The following DNAJC24 variants were observed in gnomAD, a reference collection of about 807,000 sequenced individuals.
DNAJC24 encodes the protein dnaJ homolog subfamily C member 24.
Under a neutral mutation model 18.0 loss-of-function variants are expected in DNAJC24, and 17 were observed. That is an observed-to-expected ratio of 0.94 (90% CI 0.65 to 1.42). The LOEUF (loss-of-function observed/expected upper bound fraction) is 1.42, where lower values mean the gene tolerates loss of function less well. Ranked by LOEUF, DNAJC24 falls within the 40% of genes most tolerant of loss-of-function variation. DNAJC24 has a pLI of 0.00. For missense variants in DNAJC24, 158 were observed against 175.6 expected (o/e 0.90, Z 0.57); for synonymous variants, 55 against 57.7 (o/e 0.95, Z 0.21).
At chr11:31,375,877 G>T (rs1328607401) in intron 2 of DNAJC24, among the ~76,000 whole-genome samples, 1 of 135,322 alleles carries the variant, frequency 7.4e-6, no homozygotes, top group Non-Finnish European at 1.7e-5. Flanking sequence ...CTTGTAGATA[G>T]CTATGTATAC....
At chr11:31,399,654 T>C (rs1408366776) in intron 2 of DNAJC24, among the ~76,000 whole-genome samples, 1 of 150,538 alleles carries the variant, frequency 6.6e-6, no homozygotes, top group Non-Finnish European at 1.5e-5. Flanking sequence ...CCTCGTGATC[T>C]GCCCGCCTCG....
chr11:31,388,892 ATTAG>A (rs1266374415), intron 2 of DNAJC24, among the ~76,000 whole-genome samples: 7 of 152,018 alleles, frequency 4.6e-5, no homozygotes, highest in South Asian at 2.1e-4. Flanking sequence ...CAGAGTTTTT[ATTAG>A]TTATCTCTTT....
At chr11:31,402,081 G>A (rs1216904070) in intron 2 of DNAJC24, among the ~76,000 whole-genome samples, 2 of 152,174 alleles carry the variant, frequency 1.3e-5, no homozygotes, top group African/African-American at 4.8e-5. Context: ...ATCACAGAGT[G>A]CACTTACGTA....
intron 3 of DNAJC24, 22 bp from the exon 4 acceptor site, chr11:31,426,265 T>C: frequency 2.8e-6 from 4 of 1,416,134 alleles, no homozygotes; most frequent in Non-Finnish European, 3.9e-6. Flanking sequence ...TACAATTAAG[T>C]GTCATGTTTT....
At position 31,432,366 on chromosome 11, in the gene DNAJC24, A is replaced by ATTCT. The variant is rs1296997571; in HGVS notation, c.*1968_*1971dup. ...GAACTTGGCAGAATGTGTGTTGAAT[A>ATTCT]TTCTTTACATTTAACAATTAAAAAC... On this transcript the variant is annotated 3_prime_UTR_variant, in exon 5 of 5. Coordinates refer to ENST00000465995, the MANE Select transcript of DNAJC24 (RefSeq NM_181706.5). The ATTCT allele has an allele frequency of 5.1e-6, 3 of 593,686 alleles. No individual in the cohort carries two copies. Among genetic ancestry groups the ATTCT allele is most frequent in the Non-Finnish European group, 8.9e-6 (3 of 338,560 alleles). The allele number at this position is 593,686 out of a possible 1,614,324, so 36.8% of individuals were successfully genotyped here. A position where few individuals can be genotyped will look rare whatever the true frequency, so the allele number is the denominator to read the frequency against.
At chr11:31,413,301 A>AC (rs1313335752) in intron 2 of DNAJC24, among the ~76,000 whole-genome samples, 2 of 152,002 alleles carry the variant, frequency 1.3e-5, no homozygotes, top group South Asian at 2.1e-4. Flanking sequence ...TAAAACTGTC[A>AC]AAGTAATTAT....
At chr11:31,419,182 CATA>C (rs1242143284) in intron 3 of DNAJC24, among the ~76,000 whole-genome samples, 1 of 152,028 alleles carries the variant, frequency 6.6e-6, no homozygotes, top group Non-Finnish European at 1.5e-5. Flanking sequence ...CATTTATGGT[CATA>C]ATATTTCCAT....
intron 2 of DNAJC24, among the ~76,000 whole-genome samples, chr11:31,383,843 G>A (rs909190747): frequency 6.6e-6 from 1 of 152,206 alleles, no homozygotes; most frequent in East Asian, 1.9e-4. Flanking sequence ...GTGGGACTCC[G>A]TTTCAGCTTT....
chr11:31,415,171 C>T, intron 3 of DNAJC24: 3 of 426,202 alleles, frequency 7.0e-6, no homozygotes, highest in Non-Finnish European at 1.2e-5. Context: ...CTTGTGAAGC[C>T]TTGAAAGCTA....
At position 31,431,631 on chromosome 11, in the gene DNAJC24, G is replaced by A. The variant is rs890734133; in HGVS notation, c.*1230G>A. 10 of 151,086 alleles carry A rather than the reference G, an allele frequency of 6.6e-5. No homozygotes were observed. The highest frequency in any genetic ancestry group is 2.4e-4 in the African/African-American group (10 of 41,244). The allele number at this position is 151,086 out of a possible 1,614,324, so 9.4% of individuals were successfully genotyped here. The stretch of plus-strand genomic sequence containing the variant: ...GTTCAAGACCACCCTGGCCAACATG[G>A]TGAAACCCCATATCTACTAAAAATA... On this transcript the variant is annotated 3_prime_UTR_variant, in exon 5 of 5. Transcript: ENST00000465995.
chr11:31,381,923 G>A (rs1952381107), intron 2 of DNAJC24, among the ~76,000 whole-genome samples: 1 of 152,066 alleles, frequency 6.6e-6, no homozygotes, highest in South Asian at 2.1e-4. Context: ...AATCCCTAAG[G>A]TAATCCAGAA....
chr11:31,384,219 T>C (rs925673669), intron 2 of DNAJC24, among the ~76,000 whole-genome samples: 1 of 152,216 alleles, frequency 6.6e-6, no homozygotes, highest in African/African-American at 2.4e-5. Flanking sequence ...AAGGCACAAC[T>C]CAAAGAACTT....
intron 2 of DNAJC24, among the ~76,000 whole-genome samples, chr11:31,405,029 G>A (rs1952641522): frequency 6.6e-6 from 1 of 151,568 alleles, no homozygotes; most frequent in Non-Finnish European, 1.5e-5. Flanking sequence ...TCTTTCAGGA[G>A]AGTAGAAGGA....
intron 2 of DNAJC24, among the ~76,000 whole-genome samples, chr11:31,372,548 A>G (rs1952275863): frequency 7.4e-6 from 1 of 135,930 alleles, no homozygotes; most frequent in Admixed American, 7.5e-5. Flanking sequence ...TTAATTGGGA[A>G]ATGAACCTGG....
chr11:31,405,557 A>G (rs1428713894), intron 2 of DNAJC24, among the ~76,000 whole-genome samples: 3 of 151,986 alleles, frequency 2.0e-5, no homozygotes, highest in African/African-American at 7.3e-5. Flanking sequence ...CGCTCACCAT[A>G]GCCTCAATCT....
In DNAJC24 at chr11:31,390,951, C is replaced by T. The variant is rs75392082; in HGVS notation, c.111+20092C>T. Among the ~76,000 whole-genome samples, 941 of 152,150 alleles carry T rather than the reference C, an allele frequency of 6.2e-3. 12 individuals carry two copies. Among genetic ancestry groups the T allele is most frequent in the African/African-American group, 0.02 (815 of 41,518 alleles). ...GGCCAATATTTCTGATGAGTATTGACGTAAAAGTCCTCAACAGAATACTAG... is the reference window on the plus strand; with the variant it reads ...GGCCAATATTTCTGATGAGTATTGATGTAAAAGTCCTCAACAGAATACTAG... On this transcript the variant is annotated intron_variant, in intron 2 of 4. Transcript: ENST00000465995.
At chr11:31,387,100 GA>G (rs2133474943) in intron 2 of DNAJC24, among the ~76,000 whole-genome samples, 1 of 152,282 alleles carries the variant, frequency 6.6e-6, no homozygotes, top group Non-Finnish European at 1.5e-5. Context: ...GCACCAGATA[GA>G]CTCCTACGAT....
chr11:31,397,609 T>A (rs972627731), intron 2 of DNAJC24, among the ~76,000 whole-genome samples: 3 of 151,750 alleles, frequency 2.0e-5, no homozygotes, highest in African/African-American at 7.3e-5. Flanking sequence ...TCATAGAAAA[T>A]AAAGCAAAAC....
chr11:31,424,274 A>G (rs868216664), intron 3 of DNAJC24, among the ~76,000 whole-genome samples: 3 of 152,152 alleles, frequency 2.0e-5, no homozygotes, highest in African/African-American at 7.2e-5. Flanking sequence ...TAAAATGTCT[A>G]TAAGATACCC....
Sources: gnomAD v4.1 joint callset for allele counts (sites outside exome capture counted in the v4.1 genomes callset) on GRCh38, gnomAD v4.1.1 for gene constraint, MANE v1.5 for transcripts, NCBI Gene and HGNC (gene_info 2026-07-23, HGNC 2026-07-21) for gene names.